The following ZNF704 variants were observed in gnomAD, a reference collection of about 807,000 sequenced individuals.
ZNF704 encodes glucocorticoid induced gene 1.
ZNF704 carries 10 observed loss-of-function variants against 44.7 expected under a neutral mutation model. The observed-to-expected ratio is 0.22, with a 90% CI of 0.14 to 0.38. The LOEUF is 0.38. ZNF704 is among the 10% of genes least tolerant of loss of function. The pLI is 1.00. For synonymous variants in ZNF704, 211 were observed against 207.6 expected, an observed-to-expected ratio of 1.02 and a Z score of -0.14; for missense variants, 390 against 545.5, an observed-to-expected ratio of 0.71 and a Z score of 2.84.
intron 6 of ZNF704, among the ~76,000 whole-genome samples, chr8:80,663,566 T>G (rs1818135865): frequency 6.6e-6 from 1 of 151,996 alleles, no homozygotes; most frequent in Non-Finnish European, 1.5e-5. Context: ...AGAATTTTCA[T>G]TTCTAACAAG....
At chr8:80,812,858 T>G (rs1808112332) in intron 2 of ZNF704, among the ~76,000 whole-genome samples, 1 of 152,264 alleles carries the variant, frequency 6.6e-6, no homozygotes, top group Non-Finnish European at 1.5e-5. Context: ...ATCTTGGTTA[T>G]TACTTGCCTT....
At chr8:80,770,666 TAAG>T (rs1295650166) in intron 2 of ZNF704, among the ~76,000 whole-genome samples, 1 of 152,220 alleles carries the variant, frequency 6.6e-6, no homozygotes, top group Non-Finnish European at 1.5e-5. Context: ...TATATCCTCT[TAAG>T]AGAGTTTCTG....
Position 80,674,449 on chromosome 8 carries a change from T to C in ZNF704, c.559-3846A>G, listed in dbSNP as rs966443460. ...ATGGCGCCAGCACCTGCTCAGGTTC[T>C]GGTGAGGGTTTTTGTGTTGAGTTAA... On this transcript the variant is annotated intron_variant, in intron 4 of 8. Coordinates refer to ENST00000327835, the MANE Select transcript of ZNF704 (RefSeq NM_001033723.3). Among the ~76,000 whole-genome samples, 17 of 152,226 alleles carry C rather than the reference T, an allele frequency of 1.1e-4. 1 individual carries two copies. The highest frequency in any genetic ancestry group is 4.1e-4 in the South Asian group (2 of 4,832).
chr8:80,859,806 G>A (rs1809028007), intron 1 of ZNF704, among the ~76,000 whole-genome samples: 1 of 152,140 alleles, frequency 6.6e-6, no homozygotes, highest in Non-Finnish European at 1.5e-5. Context: ...AGCCTGAACA[G>A]AAAAGCGACA....
At chr8:80,746,736 G>A (rs193009490) in intron 2 of ZNF704, among the ~76,000 whole-genome samples, 1 of 152,114 alleles carries the variant, frequency 6.6e-6, no homozygotes, top group Non-Finnish European at 1.5e-5. Flanking sequence ...CCATTGTTAC[G>A]GGCAATAGCA....
At chr8:80,872,965 G>A (rs1809279476) in intron 1 of ZNF704, among the ~76,000 whole-genome samples, 1 of 152,152 alleles carries the variant, frequency 6.6e-6, no homozygotes, top group Non-Finnish European at 1.5e-5. Flanking sequence ...CAAAATGCAT[G>A]TGGAAACCAA....
chr8:80,712,259 G>A (rs2131660864), intron 2 of ZNF704, among the ~76,000 whole-genome samples: 1 of 152,270 alleles, frequency 6.6e-6, no homozygotes, highest in Admixed American at 6.5e-5. Context: ...TTATGACACA[G>A]CAACAAGGCC....
At chr8:80,710,896 A>C (rs1818975510) in intron 2 of ZNF704, among the ~76,000 whole-genome samples, 1 of 152,180 alleles carries the variant, frequency 6.6e-6, no homozygotes, top group South Asian at 2.1e-4. Context: ...TAGGTTGAAT[A>C]AGACAACATT....
At chr8:80,767,885 T>C (rs547270150) in intron 2 of ZNF704, among the ~76,000 whole-genome samples, 1 of 152,322 alleles carries the variant, frequency 6.6e-6, no homozygotes, top group South Asian at 2.1e-4. Context: ...GTACACATTT[T>C]AAGAATATCT....
At chr8:80,714,090 G>A (rs955380030) in intron 2 of ZNF704, among the ~76,000 whole-genome samples, 11 of 152,132 alleles carry the variant, frequency 7.2e-5, no homozygotes, top group African/African-American at 1.9e-4. Flanking sequence ...CTCCTTCTCC[G>A]TAACAAGCGC....
At chr8:80,789,210 A>C (rs1423474913) in intron 2 of ZNF704, among the ~76,000 whole-genome samples, 1 of 152,200 alleles carries the variant, frequency 6.6e-6, no homozygotes, top group South Asian at 2.1e-4. Context: ...TGACAGTTTT[A>C]AAGTGAGGAA....
chr8:80,837,205 T>C (rs915398553), intron 1 of ZNF704, among the ~76,000 whole-genome samples: 7 of 151,930 alleles, frequency 4.6e-5, no homozygotes, highest in Non-Finnish European at 8.8e-5. Flanking sequence ...CTGGGGGAAA[T>C]AGTAATTTGG....
chr8:80,805,946 T>A (rs1041936873), intron 2 of ZNF704, among the ~76,000 whole-genome samples: 1 of 152,192 alleles, frequency 6.6e-6, no homozygotes, highest in Non-Finnish European at 1.5e-5. Context: ...TTTGCCATCA[T>A]CAGTGTCTTC....
At chr8:80,660,777 C>T (rs1818090281) in intron 6 of ZNF704, among the ~76,000 whole-genome samples, 2 of 152,102 alleles carry the variant, frequency 1.3e-5, no homozygotes, top group Non-Finnish European at 2.9e-5. Flanking sequence ...TTGTCATTTA[C>T]AAACATCCAC....
intron 7 of ZNF704, among the ~76,000 whole-genome samples, chr8:80,655,355 G>A (rs372742202): frequency 1.8e-4 from 27 of 151,090 alleles, no homozygotes; most frequent in Non-Finnish European, 3.2e-4. Context: ...AAAACAAAAC[G>A]TATTTGGAAA....
rs116336757 is a variant in ZNF704, at chr8:80,726,218, T to C, written c.222-33111A>G. 5.5e-3 allele frequency among the ~76,000 whole-genome samples: 831 copies of C among 152,264 alleles called. 6 individuals are homozygous for C. The highest frequency in any genetic ancestry group is 0.019 in the African/African-American group (800 of 41,568). On this transcript the variant is annotated intron_variant, in intron 2 of 8. Transcript: ENST00000327835. Reference sequence around the variant, plus strand: ...AACAAATTATTCAGATTAACAATGATAAAAATAAATTTGCAATTTTTTTCT... The same window carrying C: ...AACAAATTATTCAGATTAACAATGACAAAAATAAATTTGCAATTTTTTTCT...
intron 1 of ZNF704, among the ~76,000 whole-genome samples, chr8:80,864,732 C>T (rs1198562417): frequency 3.3e-5 from 5 of 152,176 alleles, no homozygotes; most frequent in African/African-American, 1.2e-4. Flanking sequence ...GAGACACCAA[C>T]GCACAGGAGG....
At chr8:80,842,618 A>C (rs1808700354) in intron 1 of ZNF704, among the ~76,000 whole-genome samples, 1 of 152,202 alleles carries the variant, frequency 6.6e-6, no homozygotes. Context: ...TCATAAGAAA[A>C]TAGAAATAGT....
At chr8:80,735,518 T>G (rs1252064596) in intron 2 of ZNF704, among the ~76,000 whole-genome samples, 1 of 152,220 alleles carries the variant, frequency 6.6e-6, no homozygotes, top group Non-Finnish European at 1.5e-5. Flanking sequence ...AACAAATGCC[T>G]TTTAAATATA....
Sources: allele counts gnomAD v4.1 joint callset (sites outside exome capture counted in the v4.1 genomes callset), GRCh38; gene constraint gnomAD v4.1.1; transcripts MANE v1.5; gene names NCBI Gene and HGNC (gene_info 2026-07-23, HGNC 2026-07-21).